RNPS1: variants seen among roughly 807,000 people sequenced by gnomAD.
RNPS1 encodes the protein RNA-binding protein with serine-rich domain 1.
For missense variants in RNPS1, 300 were observed against 427.6 expected, an observed-to-expected ratio of 0.70 and a Z score of 2.63; for synonymous variants, 147 against 150.0, an observed-to-expected ratio of 0.98 and a Z score of 0.15.
intron 6 of RNPS1, 137 bp downstream of exon 6, chr16:2,262,141 A>G: frequency 2.4e-6 from 2 of 848,574 alleles, no homozygotes; most frequent in Admixed American, 2.7e-5. Context: ...CAGGAACTGC[A>G]CCCCAGCCTG....
chr16:2,266,358 T>G, intron 1 of RNPS1: 1 of 985,410 alleles, frequency 1.0e-6, no homozygotes, highest in Non-Finnish European at 1.2e-6. Flanking sequence ...CAGCAGATAG[T>G]GCCTCGACAC....
At chr16:2,266,476 G>A (rs1054179601) in intron 1 of RNPS1, 29 of 949,398 alleles carry the variant, frequency 3.1e-5, no homozygotes, top group Non-Finnish European at 3.4e-5. Flanking sequence ...TTTTAGACAA[G>A]TCACTTATCC....
chr16:2,264,443 C>G (rs2093616744), intron 2 of RNPS1, 112 bp from the exon 3 acceptor site: 3 of 1,553,776 alleles, frequency 1.9e-6, no homozygotes, highest in Non-Finnish European at 1.8e-6. Context: ...GAGGTGACCA[C>G]AGAGCAAAGT....
At chr16:2,267,596 A>G in intron 1 of RNPS1, 5 of 1,070,996 alleles carry the variant, frequency 4.7e-6, no homozygotes, top group Non-Finnish European at 4.5e-6. Context: ...TCCCACAAAG[A>G]AACTCCGCGC....
intron 1 of RNPS1, chr16:2,266,963 T>C (rs566462878): frequency 1.8e-5 from 4 of 217,150 alleles, no homozygotes; most frequent in Non-Finnish European, 2.4e-5. Context: ...CAATGGCTAC[T>C]TGGCTGGACA....
intron 1 of RNPS1, 68 bp from the exon 2 acceptor site, chr16:2,264,828 A>C: frequency 7.5e-7 from 1 of 1,341,264 alleles, no homozygotes; most frequent in Non-Finnish European, 9.8e-7. Flanking sequence ...CTTTGCAGTC[A>C]AAAGCTGAGC....
chr16:2,257,449 G>A (rs2093583900), intron 6 of RNPS1: 1 of 152,154 alleles, frequency 6.6e-6, no homozygotes, highest in Non-Finnish European at 1.5e-5. Context: ...CATCTTCTGT[G>A]TAGCTGCCAG....
rs1170091683 is a variant in RNPS1, at chr16:2,253,812, G to A, written c.*152C>T. On this transcript the variant is annotated 3_prime_UTR_variant, in exon 8 of 8. Transcript: ENST00000320225. Reference sequence around the variant, plus strand: ...CAAACCAACAGCACTTCTGCAGCCGGGGCCCGGCTGGCAGAGGGGTGCTGC... The same window carrying A: ...CAAACCAACAGCACTTCTGCAGCCGAGGCCCGGCTGGCAGAGGGGTGCTGC... 4 of 742,874 alleles carry A rather than the reference G, an allele frequency of 5.4e-6. No homozygotes were observed. The highest frequency in any genetic ancestry group is 1.7e-5 in the African/African-American group (1 of 57,810). 46.0% of individuals were successfully genotyped at this position (742,874 alleles called of 1,614,324 possible).
At chr16:2,263,386 G>T in intron 3 of RNPS1, 99 bp from the exon 4 acceptor site, 1 of 1,232,508 alleles carries the variant, frequency 8.1e-7, no homozygotes. Flanking sequence ...GAAACCTGCT[G>T]TTCGGGTGCC....
intron 3 of RNPS1, 183 bp downstream of exon 3, chr16:2,263,993 G>T: frequency 3.0e-6 from 2 of 668,944 alleles, no homozygotes; most frequent in Non-Finnish European, 4.8e-6. Context: ...GCCTCCCAAA[G>T]TGCTGGGATT....
At chr16:2,260,108 C>T (rs188524198) in intron 6 of RNPS1, among the ~76,000 whole-genome samples, 66 of 136,414 alleles carry the variant, frequency 4.8e-4, no homozygotes, top group Non-Finnish European at 7.9e-4. Context: ...TACCTAATTT[C>T]TTCAGAATTT....
intron 7 of RNPS1, 90 bp downstream of exon 7, chr16:2,255,495 G>T: frequency 7.0e-7 from 1 of 1,435,434 alleles, no homozygotes; most frequent in Non-Finnish European, 9.4e-7. Flanking sequence ...GCAGTGGAAG[G>T]CAGGCAGGGC....
At chr16:2,255,819 G>T in intron 6 of RNPS1, 93 bp from the exon 7 acceptor site, 1 of 1,341,142 alleles carries the variant, frequency 7.5e-7, no homozygotes. Flanking sequence ...GGGGGACAAT[G>T]ACAATGTAAG....
chr16:2,263,109 G>A lies in RNPS1; in HGVS notation c.406C>T (p.Arg136Cys), dbSNP rs1265614051. 13 of 1,612,460 alleles carry A rather than the reference G, an allele frequency of 8.1e-6. No homozygotes were observed. The highest frequency in any genetic ancestry group is 2.0e-4 in the Middle Eastern group (1 of 5,112). ...PSRRRHDNRR[R>C]SRSKSKPPKR... is the part of the protein sequence containing the mutation. ...CAGGGCACTCACTTGGAGCGGGAGC[G>A]CCTCCTGTTGTCGTGTCTGCGCCGA... Residue 136 changes from arginine to cysteine, a missense_variant, in exon 4 of 8, where the codon CGC (arginine) becomes TGC (cysteine). By Grantham distance (180) the Arg-to-Cys change is radical. Transcript: ENST00000320225.
At position 2,253,287 on chromosome 16, in the gene RNPS1, C is replaced by G. The variant is rs992239694; in HGVS notation, c.*677G>C. ...AAAGAAAAAAAATAAAAGCAATGTA[C>G]ATGTTGCCAAGATAACCTGAAAGAC... On this transcript the variant is annotated 3_prime_UTR_variant, in exon 8 of 8. Coordinates refer to ENST00000320225, the MANE Select transcript of RNPS1 (RefSeq NM_080594.4). 2.0e-5 allele frequency: 3 copies of G among 152,728 alleles called. No homozygotes were observed. The highest frequency in any genetic ancestry group is 4.4e-5 in the Non-Finnish European group (3 of 68,252). The allele number at this position is 152,728 out of a possible 1,614,324, so 9.5% of individuals were successfully genotyped here.
intron 1 of RNPS1, 200 bp downstream of exon 1, chr16:2,267,855 G>A (rs1373294784): frequency 3.1e-5 from 47 of 1,514,834 alleles, no homozygotes; most frequent in Non-Finnish European, 3.1e-5. Context: ...CAGCGGCCCC[G>A]ACCACTTCCG....
chr16:2,266,757 T>A (rs1240929282), intron 1 of RNPS1: 11 of 965,018 alleles, frequency 1.1e-5, no homozygotes, highest in African/African-American at 3.5e-5. Context: ...CTGAAATTCC[T>A]TAGTAGCCAC....
chr16:2,255,244 C>A (rs2093572549), intron 7 of RNPS1, among the ~76,000 whole-genome samples: 1 of 152,230 alleles, frequency 6.6e-6, no homozygotes, highest in Non-Finnish European at 1.5e-5. Flanking sequence ...CCCCACAACT[C>A]TTCTGACCCC....
At chr16:2,255,829 G>A (rs1276603518) in intron 6 of RNPS1, 103 bp from the exon 7 acceptor site, 4 of 1,297,888 alleles carry the variant, frequency 3.1e-6, no homozygotes, top group Non-Finnish European at 4.3e-6. Context: ...GACAATGTAA[G>A]ATAATCACAG....
Sources: gnomAD v4.1 joint callset for allele counts (sites outside exome capture counted in the v4.1 genomes callset) on GRCh38, gnomAD v4.1.1 for gene constraint, MANE v1.5 for transcripts, NCBI Gene and HGNC (gene_info 2026-07-23, HGNC 2026-07-21) for gene names.